Variants in KIF6 observed in about 807,000 individuals in gnomAD.
KIF6 encodes the protein kinesin-like protein KIF6.
In KIF6, 106 loss-of-function variants were observed where a neutral mutation model predicts 112.7. That is an observed-to-expected ratio of 0.94 (90% CI 0.80 to 1.11). The LOEUF is 1.11. Among genes scored for constraint, KIF6 ranks in the 50% least tolerant of loss-of-function variants. The pLI is 0.00. For missense variants in KIF6, 929 were observed against 964.0 expected (o/e 0.96, Z 0.48); for synonymous variants, 339 against 339.9 (o/e 1.00, Z 0.03).
rs540409449 is a variant in KIF6 at position 39,584,649 on chromosome 6, C to T, written c.1077+249G>A. ...TGAGTTAGATTGCCTGCGTGTGAAG[C>T]CTGACTCTGCTACTTATTAGCACTT... is the stretch of plus-strand genomic sequence containing the variant. On this transcript the variant is annotated intron_variant, in intron 9 of 22. Transcript: ENST00000287152. Among the ~76,000 whole-genome samples, 3 of 151,932 alleles carry T rather than the reference C, an allele frequency of 2.0e-5. No individual in the cohort carries two copies. In the South Asian group the frequency reaches 6.3e-4, roughly 32 times the overall value.
chr6:39,336,461 G>A lies in KIF6; in HGVS notation c.*71C>T, dbSNP rs986756966. 3 of 1,460,232 alleles carry A rather than the reference G, an allele frequency of 2.1e-6. No homozygotes were observed. The highest frequency in any genetic ancestry group is 1.4e-5 in the African/African-American group (1 of 71,988). The allele number at this position is 1,460,232 out of a possible 1,614,324, so 90.5% of individuals were successfully genotyped here. Reference sequence around the variant, plus strand: ...TAGTTCACTTCTGAAGCCAGAGCAAGTGAGGGGCGCTGCCTTCATCTGTGC... The same window carrying A: ...TAGTTCACTTCTGAAGCCAGAGCAAATGAGGGGCGCTGCCTTCATCTGTGC... On this transcript the variant is annotated 3_prime_UTR_variant, in exon 23 of 23. Transcript: ENST00000287152.
Position 39,596,162 on chromosome 6 carries a change from G to A in KIF6, c.738C>T (p.Leu246=). The A allele has an allele frequency of 6.2e-7, 1 of 1,613,998 alleles. No individual in the cohort carries two copies. The highest frequency in any genetic ancestry group is 8.5e-7 in the Non-Finnish European group (1 of 1,179,964). ...CTGAACCAGCCAGGTCAACCAGATG[G>A]AGTTTGGCATGTCGTACAGTTGCAG... ...PGSATVRHAK[L]HLVDLAGSER... Residue 246 remains leucine (L), a synonymous_variant, in exon 7 of 23, where the codon CTC becomes CTT. Transcript: ENST00000287152.
At chr6:39,499,535 T>C (rs1254373770) in intron 13 of KIF6, among the ~76,000 whole-genome samples, 3 of 152,140 alleles carry the variant, frequency 2.0e-5, no homozygotes, top group African/African-American at 4.8e-5. Context: ...TACCCCAGTA[T>C]ACCCAGTTCG....
intron 3 of KIF6, among the ~76,000 whole-genome samples, chr6:39,701,854 A>T (rs1183607623): frequency 1.3e-5 from 2 of 152,240 alleles, no homozygotes; most frequent in African/African-American, 2.4e-5. Flanking sequence ...ATTAAACTTC[A>T]TTTACACAAC....
intron 13 of KIF6, among the ~76,000 whole-genome samples, chr6:39,535,997 G>T (rs1778399654): frequency 6.6e-6 from 1 of 151,828 alleles, no homozygotes; most frequent in South Asian, 2.1e-4. Flanking sequence ...CAGAAATAAA[G>T]ATGTTCTTTG....
chr6:39,666,817 C>T (rs75577018), intron 3 of KIF6, among the ~76,000 whole-genome samples: 12,002 of 152,172 alleles, frequency 0.079, 500 homozygotes, highest in Middle Eastern at 0.11. Flanking sequence ...CTTTGAAACA[C>T]TTGCAGCACT....
intron 10 of KIF6, among the ~76,000 whole-genome samples, chr6:39,561,324 A>C (rs1359301892): frequency 6.6e-6 from 1 of 151,682 alleles, no homozygotes; most frequent in Non-Finnish European, 1.5e-5. Context: ...AAGAAAACTG[A>C]GAATGTTAAA....
chr6:39,714,584 A>G, intron 3 of KIF6, 108 bp downstream of exon 3: 1 of 702,446 alleles, frequency 1.4e-6, no homozygotes, highest in Admixed American at 2.5e-5. Flanking sequence ...CATGTCCTGC[A>G]GCCTAAGTAT....
intron 19 of KIF6, among the ~76,000 whole-genome samples, chr6:39,350,532 C>T (rs373371009): frequency 1.4e-4 from 22 of 152,134 alleles, no homozygotes; most frequent in East Asian, 1.3e-3. Flanking sequence ...CCAGGAGGGC[C>T]CTCTACAAAG....
chr6:39,457,520 C>T (rs1179972197), intron 13 of KIF6, among the ~76,000 whole-genome samples: 1 of 150,660 alleles, frequency 6.6e-6, no homozygotes, highest in Non-Finnish European at 1.5e-5. Context: ...TAACTAAAAT[C>T]AGAGCAGAAC....
rs1782252906 is a variant in KIF6, at chr6:39,596,209, A to T, written c.691T>A (p.Leu231Met). 21 of 1,613,984 alleles carry T rather than the reference A, an allele frequency of 1.3e-5. No homozygotes were observed. Among genetic ancestry groups the T allele is most frequent in the Non-Finnish European group, 1.6e-5 (19 of 1,179,986 alleles). The change falls in exon 7 of 23, where the codon TTG becomes ATG. Residue 231 changes from leucine (L) to methionine (M), a missense_variant. Coordinates refer to ENST00000287152, the MANE Select transcript of KIF6 (RefSeq NM_145027.6). ...TRSHCIFTIH[L>M]SSKEPGSATV... ...GCAGATCCTGGTTCCTTGCTTGACA[A>T]ATGAATGGTGAAAATGCAGTGGGAA...
intron 15 of KIF6, among the ~76,000 whole-genome samples, chr6:39,398,093 T>G (rs1356262439): frequency 6.6e-6 from 1 of 152,242 alleles, no homozygotes; most frequent in African/African-American, 2.4e-5. Flanking sequence ...AATGTTATTA[T>G]GATTCTTTAG....
intron 5 of KIF6, among the ~76,000 whole-genome samples, chr6:39,618,609 GACT>G (rs1349281079): frequency 6.6e-6 from 1 of 152,170 alleles, no homozygotes; most frequent in African/African-American, 2.4e-5. Context: ...GGCCATGCCA[GACT>G]AGTGTTAAGT....
chr6:39,374,210 T>A (rs1019122213), intron 16 of KIF6, among the ~76,000 whole-genome samples: 7 of 152,018 alleles, frequency 4.6e-5, no homozygotes, highest in African/African-American at 1.5e-4. Flanking sequence ...TCTCAAACCA[T>A]AAAGAAAAAT....
intron 10 of KIF6, among the ~76,000 whole-genome samples, chr6:39,567,753 A>G (rs944794100): frequency 4.6e-5 from 7 of 151,892 alleles, no homozygotes; most frequent in African/African-American, 9.7e-5. Context: ...GACTACAGGC[A>G]CCCACCACCG....
chr6:39,717,398 C>G (rs1789919349), intron 2 of KIF6, among the ~76,000 whole-genome samples: 1 of 152,180 alleles, frequency 6.6e-6, no homozygotes, highest in South Asian at 2.1e-4. Flanking sequence ...TTGCTATTCC[C>G]TTGGCCTGAA....
intron 15 of KIF6, among the ~76,000 whole-genome samples, chr6:39,414,626 C>T (rs1196738666): frequency 6.6e-6 from 1 of 152,204 alleles, no homozygotes; most frequent in African/African-American, 2.4e-5. Context: ...AATCACGCTA[C>T]AAAGAGACTT....
At chr6:39,420,068 T>C in intron 14 of KIF6, 65 bp from the exon 15 acceptor site, 2 of 1,139,626 alleles carry the variant, frequency 1.8e-6, no homozygotes, top group Non-Finnish European at 2.6e-6. Flanking sequence ...TTAAAAATAA[T>C]AGATTTCTTA....
intron 10 of KIF6, among the ~76,000 whole-genome samples, chr6:39,552,463 A>T (rs1207145943): frequency 6.6e-6 from 1 of 152,222 alleles, no homozygotes; most frequent in Non-Finnish European, 1.5e-5. Context: ...AGCTAAGAGA[A>T]GTTCAGTAAC....
Sources: allele counts gnomAD v4.1 joint callset (sites outside exome capture counted in the v4.1 genomes callset), GRCh38; gene constraint gnomAD v4.1.1; transcripts MANE v1.5; gene names NCBI Gene and HGNC (gene_info 2026-07-23, HGNC 2026-07-21).